The following CPQ variants were observed in gnomAD, a reference collection of about 807,000 sequenced individuals.
CPQ encodes carboxypeptidase Q, also known as Ser-Met dipeptidase.
A neutral mutation model predicts 45.7 loss-of-function variants in CPQ; 37 were observed. The ratio of observed to expected loss-of-function variants is 0.81; its 90% CI spans 0.62 to 1.07. The LOEUF (loss-of-function observed/expected upper bound fraction) is 1.07. Among genes scored for constraint, CPQ ranks in the 50% least tolerant of loss-of-function variants. CPQ has a pLI of 0.00. For synonymous variants in CPQ, 186 were observed against 205.8 expected, an observed-to-expected ratio of 0.90 and a Z score of 0.82; for missense variants, 537 against 572.9, an observed-to-expected ratio of 0.94 and a Z score of 0.64.
At chr8:96,940,701 C>A (rs1813113608) in intron 4 of CPQ, among the ~76,000 whole-genome samples, 1 of 152,098 alleles carries the variant, frequency 6.6e-6, no homozygotes, top group Admixed American at 6.6e-5. Context: ...ATGAACAAAT[C>A]AATACTCTAA....
intron 3 of CPQ, among the ~76,000 whole-genome samples, chr8:96,869,070 CTT>C (rs1294728552): frequency 1.3e-5 from 2 of 151,920 alleles, no homozygotes; most frequent in Non-Finnish European, 2.9e-5. Flanking sequence ...TTTCTAATCT[CTT>C]TTAAAATGGT....
intron 7 of CPQ, among the ~76,000 whole-genome samples, chr8:97,137,215 A>C (rs768091863): frequency 4.6e-5 from 7 of 152,160 alleles, no homozygotes; most frequent in Non-Finnish European, 7.4e-5. Context: ...AGAATTTTGG[A>C]GCTCTGAAGA....
At chr8:96,783,174 C>T (rs1481263297) in intron 1 of CPQ, among the ~76,000 whole-genome samples, 1 of 152,222 alleles carries the variant, frequency 6.6e-6, no homozygotes, top group East Asian at 1.9e-4. Flanking sequence ...CTCCCCGTTA[C>T]CCAATTTCAA....
At chr8:96,839,557 C>T (rs1405251389) in intron 3 of CPQ, among the ~76,000 whole-genome samples, 2 of 152,120 alleles carry the variant, frequency 1.3e-5, no homozygotes, top group Non-Finnish European at 2.9e-5. Flanking sequence ...GAAAGCTTCT[C>T]TATGGAACAA....
At chr8:96,692,619 A>T (rs1809319589) in intron 1 of CPQ, among the ~76,000 whole-genome samples, 1 of 152,192 alleles carries the variant, frequency 6.6e-6, no homozygotes, top group Admixed American at 6.5e-5. Context: ...CCACAGTTTT[A>T]CTAAGCTTTA....
chr8:96,825,817 A>T (rs769033312), intron 2 of CPQ, among the ~76,000 whole-genome samples: 2 of 152,050 alleles, frequency 1.3e-5, no homozygotes, highest in Non-Finnish European at 2.9e-5. Context: ...AATTTTAAGC[A>T]TATCTACATA....
At chr8:96,895,475 T>A (rs1812431952) in intron 4 of CPQ, among the ~76,000 whole-genome samples, 3 of 152,230 alleles carry the variant, frequency 2.0e-5, no homozygotes, top group Admixed American at 2.0e-4. Context: ...TCCTGCAATT[T>A]ACTTAACCTG....
At chr8:96,809,055 A>G (rs1811124497) in intron 2 of CPQ, among the ~76,000 whole-genome samples, 1 of 152,162 alleles carries the variant, frequency 6.6e-6, no homozygotes. Context: ...AATACATGCA[A>G]TGGGCAGGAA....
chr8:97,060,392 A>G (rs1017583492), intron 6 of CPQ, among the ~76,000 whole-genome samples: 3 of 152,274 alleles, frequency 2.0e-5, no homozygotes, highest in African/African-American at 7.2e-5. Flanking sequence ...ACAATTATGA[A>G]TCCTCAACCC....
intron 5 of CPQ, among the ~76,000 whole-genome samples, chr8:97,017,750 C>A (rs1358181844): frequency 6.6e-6 from 1 of 152,084 alleles, no homozygotes; most frequent in East Asian, 1.9e-4. Context: ...GCAGCCATAG[C>A]AAGAGTCTGA....
intron 1 of CPQ, among the ~76,000 whole-genome samples, chr8:96,781,824 G>C (rs996820561): frequency 2.0e-5 from 3 of 152,178 alleles, no homozygotes; most frequent in Non-Finnish European, 2.9e-5. Context: ...ACAGGTATAG[G>C]ATAGACATTC....
intron 1 of CPQ, among the ~76,000 whole-genome samples, chr8:96,762,280 A>G (rs1810415050): frequency 6.6e-6 from 1 of 152,196 alleles, no homozygotes; most frequent in Admixed American, 6.6e-5. Flanking sequence ...TTGGAAGTCT[A>G]AAGAGCATGG....
chr8:96,860,044 G>A (rs1226283525), intron 3 of CPQ, among the ~76,000 whole-genome samples: 1 of 152,090 alleles, frequency 6.6e-6, no homozygotes, highest in Non-Finnish European at 1.5e-5. Flanking sequence ...GATCTTATAG[G>A]TTGGCCCTAG....
At chr8:96,986,880 G>T (rs1041052121) in intron 5 of CPQ, among the ~76,000 whole-genome samples, 4 of 152,126 alleles carry the variant, frequency 2.6e-5, no homozygotes, top group Admixed American at 6.6e-5. Context: ...TTAAGTGAGG[G>T]ATAGGTATAT....
chr8:96,798,621 CCT>C (rs1810966448), intron 2 of CPQ, among the ~76,000 whole-genome samples: 1 of 151,952 alleles, frequency 6.6e-6, no homozygotes, highest in African/African-American at 2.4e-5. Context: ...GCTTCTTGGA[CCT>C]CTGTCTAACC....
intron 7 of CPQ, chr8:97,133,009 C>T (rs1304910375): frequency 6.6e-6 from 1 of 152,160 alleles, no homozygotes; most frequent in Non-Finnish European, 1.5e-5. Flanking sequence ...GTTTTTGACA[C>T]ACCCGCACAC....
At chr8:96,717,038 TA>T (rs1412958815) in intron 1 of CPQ, among the ~76,000 whole-genome samples, 3,687 of 34,326 alleles carry the variant, frequency 0.11, 605 homozygotes, top group African/African-American at 0.24. Flanking sequence ...TATATATATA[TA>T]TATATATATA....
chr8:96,757,354 GATAATAATAATAATAATAATAATAATA>G (rs3036414), intron 1 of CPQ, among the ~76,000 whole-genome samples: 1 of 139,402 alleles, frequency 7.2e-6, no homozygotes, highest in Non-Finnish European at 1.5e-5. Flanking sequence ...CCATCTCAAT[GATAATAATAATAATAATAATAATAATA>G]ATAATAATAA....
chr8:97,037,245 G>A (rs1171850722), intron 6 of CPQ, among the ~76,000 whole-genome samples: 2 of 152,146 alleles, frequency 1.3e-5, no homozygotes, highest in East Asian at 3.8e-4. Context: ...TGCTATCTGG[G>A]CAAATGTGTT....
Sources: allele counts gnomAD v4.1 joint callset (sites outside exome capture counted in the v4.1 genomes callset), GRCh38; gene constraint gnomAD v4.1.1; transcripts MANE v1.5; gene names NCBI Gene and HGNC (gene_info 2026-07-23, HGNC 2026-07-21).